The following CACNA2D1 variants were observed in gnomAD, a reference collection of about 807,000 sequenced individuals.
CACNA2D1 encodes the protein calcium voltage-gated channel auxiliary subunit alpha2delta 1, also known as voltage-dependent calcium channel subunit alpha-2/delta-1.
A neutral mutation model predicts 171.5 loss-of-function variants in CACNA2D1; 53 were observed. The observed-to-expected ratio is 0.31, with a 90% CI of 0.25 to 0.39. CACNA2D1 has a LOEUF of 0.39. Ranked by LOEUF, CACNA2D1 falls within the 10% of genes least tolerant of loss-of-function variation. CACNA2D1 has a pLI of 1.00. For missense variants in CACNA2D1, 903 were observed against 1,299.8 expected (o/e 0.69, Z 4.69); for synonymous variants, 442 against 443.1 (o/e 1.00, Z 0.03).
intron 3 of CACNA2D1, among the ~76,000 whole-genome samples, chr7:82,276,789 G>A (rs1188116013): frequency 5.6e-5 from 8 of 143,320 alleles, no homozygotes; most frequent in South Asian, 2.2e-4. Flanking sequence ...TCATTCTGTC[G>A]CCAGGCTTTA....
chr7:82,327,418 T>C (rs1816786097), intron 3 of CACNA2D1, among the ~76,000 whole-genome samples: 1 of 152,228 alleles, frequency 6.6e-6, no homozygotes, highest in African/African-American at 2.4e-5. Flanking sequence ...TTTTGTTGTC[T>C]TGTCTATTAA....
chr7:82,298,112 T>A (rs1445670343), intron 3 of CACNA2D1, among the ~76,000 whole-genome samples: 1 of 152,208 alleles, frequency 6.6e-6, no homozygotes, highest in Admixed American at 6.5e-5. Context: ...ACACACCGAC[T>A]GGTAATTATT....
At chr7:82,090,470 CA>C in intron 6 of CACNA2D1, among the ~76,000 whole-genome samples, 1 of 151,974 alleles carries the variant, frequency 6.6e-6, no homozygotes, top group Non-Finnish European at 1.5e-5. Flanking sequence ...TTTACCATTT[CA>C]TGTAATTTAT....
intron 17 of CACNA2D1, 128 bp from the exon 18 acceptor site, chr7:82,005,625 T>C (rs1204675417): frequency 1.1e-6 from 1 of 871,228 alleles, no homozygotes; most frequent in Non-Finnish European, 1.9e-6. Flanking sequence ...GGAATCATTT[T>C]ATTTTAGAGA....
intron 7 of CACNA2D1, among the ~76,000 whole-genome samples, chr7:82,080,972 C>A (rs1489667006): frequency 2.6e-5 from 4 of 152,188 alleles, no homozygotes; most frequent in African/African-American, 7.2e-5. Context: ...TCATTGATCA[C>A]AATAACCCCC....
intron 3 of CACNA2D1, among the ~76,000 whole-genome samples, chr7:82,271,793 T>C (rs75300395): frequency 1.3e-5 from 2 of 151,878 alleles, no homozygotes; most frequent in African/African-American, 2.4e-5. Context: ...CTAATAATCA[T>C]TTTCCTCTTT....
intron 31 of CACNA2D1, among the ~76,000 whole-genome samples, 170 bp from the exon 32 acceptor site, chr7:81,965,835 G>C (rs750273864): frequency 5.3e-5 from 8 of 151,754 alleles, no homozygotes; most frequent in Non-Finnish European, 1.0e-4. Context: ...GGCATGCATA[G>C]ATTTATATCA....
chr7:82,361,088 T>TGC (rs1821031766), intron 1 of CACNA2D1, among the ~76,000 whole-genome samples: 4 of 152,176 alleles, frequency 2.6e-5, no homozygotes, highest in Non-Finnish European at 5.9e-5. Context: ...CTTTCAACCT[T>TGC]TTTGTCCTCA....
intron 18 of CACNA2D1, among the ~76,000 whole-genome samples, chr7:81,997,821 T>C (rs1798201885): frequency 6.6e-6 from 1 of 152,024 alleles, no homozygotes. Context: ...TATATTTTAA[T>C]AATTCAAATG....
Position 82,153,672 on chromosome 7 carries a change from C to T in CACNA2D1, c.354+16878G>A, listed in dbSNP as rs528625796. 6.0e-4 allele frequency among the ~76,000 whole-genome samples: 91 copies of T among 152,152 alleles called. 1 individual carries two copies. Among genetic ancestry groups the T allele is most frequent in the Admixed American group, 3.7e-3 (56 of 15,272 alleles). On this transcript the variant is annotated intron_variant, in intron 4 of 38. Transcript: ENST00000356860. ...TTTTAACTATAGCTTCGTATGACTA[C>T]TTCTTGATGTTTAATTGACCAGTCA...
At chr7:82,390,384 T>TA (rs1163498754) in intron 1 of CACNA2D1, among the ~76,000 whole-genome samples, 1 of 152,056 alleles carries the variant, frequency 6.6e-6, no homozygotes, top group African/African-American at 2.4e-5. Flanking sequence ...TTTAAAAATT[T>TA]AAAAAAAGAG....
chr7:82,361,804 A>G (rs1169388041), intron 1 of CACNA2D1, among the ~76,000 whole-genome samples: 1 of 152,170 alleles, frequency 6.6e-6, no homozygotes, highest in African/African-American at 2.4e-5. Flanking sequence ...ATAATTTGCT[A>G]ATACTAACAA....
At chr7:82,125,182 G>A (rs1790193396) in intron 5 of CACNA2D1, among the ~76,000 whole-genome samples, 1 of 152,152 alleles carries the variant, frequency 6.6e-6, no homozygotes, top group Admixed American at 6.6e-5. Context: ...CCAGACAGGA[G>A]AAATTTTGAA....
At chr7:82,008,468 T>C (rs1799375430) in intron 15 of CACNA2D1, among the ~76,000 whole-genome samples, 1 of 152,162 alleles carries the variant, frequency 6.6e-6, no homozygotes, top group Admixed American at 6.6e-5. Context: ...AATCAGCACA[T>C]AATTTAATAC....
intron 4 of CACNA2D1, among the ~76,000 whole-genome samples, chr7:82,137,797 A>G (rs560138707): frequency 1.1e-3 from 173 of 151,490 alleles, no homozygotes; most frequent in Middle Eastern, 6.9e-3. Flanking sequence ...GGAGAATGGC[A>G]TGAACCCAGG....
chr7:82,363,254 C>CTTTTTTTTTCTTTTTTTTT (rs1821288933), intron 1 of CACNA2D1, among the ~76,000 whole-genome samples: 1 of 63,432 alleles, frequency 1.6e-5, no homozygotes, highest in African/African-American at 8.4e-5. Context: ...TTATTTGTCT[C>CTTTTTTTTTCTTTTTTTTT]TTTTTTTTTT....
At chr7:81,995,528 G>A (rs923515587) in intron 19 of CACNA2D1, among the ~76,000 whole-genome samples, 2 of 152,184 alleles carry the variant, frequency 1.3e-5, no homozygotes, top group Non-Finnish European at 2.9e-5. Context: ...GCCAGGTGCA[G>A]TGGCTCATGC....
At position 82,201,723 on chromosome 7, in the gene CACNA2D1, G is replaced by A. The variant is rs116769281; in HGVS notation, c.295-31114C>T. On this transcript the variant is annotated intron_variant, in intron 3 of 38. Transcript: ENST00000356860. ...CTTCTCCCTGGGGCCTACAGCCAAT[G>A]ATGGATTCTAGCAGGAATACAAAAG... 6.1e-3 allele frequency among the ~76,000 whole-genome samples: 936 copies of A among 152,288 alleles called. 10 individuals carry two copies. Among genetic ancestry groups the A allele is most frequent in the African/African-American group, 0.021 (889 of 41,554 alleles).
chr7:82,334,702 A>G (rs777927414), intron 3 of CACNA2D1, among the ~76,000 whole-genome samples: 27 of 152,168 alleles, frequency 1.8e-4, no homozygotes, highest in Non-Finnish European at 3.8e-4. Flanking sequence ...GGTAACTTGA[A>G]TATCTAGCAT....
Sources: allele counts gnomAD v4.1 joint callset (sites outside exome capture counted in the v4.1 genomes callset), GRCh38; gene constraint gnomAD v4.1.1; transcripts MANE v1.5; gene names NCBI Gene and HGNC (gene_info 2026-07-23, HGNC 2026-07-21).